SAMD5: variants seen among roughly 807,000 people sequenced by gnomAD.
The protein encoded by SAMD5 is sterile alpha motif domain-containing protein 5.
Under a neutral mutation model 11.3 loss-of-function variants are expected in SAMD5, and 13 were observed. The ratio of observed to expected loss-of-function variants is 1.15; its 90% CI spans 0.75 to 1.83. SAMD5 has a LOEUF of 1.83. Among genes scored for constraint, SAMD5 ranks in the 40% most tolerant of loss-of-function variants. SAMD5 has a pLI of 0.00. For missense variants in SAMD5, 255 were observed against 239.1 expected (o/e 1.07, Z -0.44); for synonymous variants, 129 against 111.3 (o/e 1.16, Z -1.00).
At chr6:147,762,186 A>T in the SAMD5 span, among the ~76,000 whole-genome samples, 1 of 152,116 alleles carries the variant, frequency 6.6e-6, no homozygotes, top group African/African-American at 2.4e-5. Flanking sequence ...TGTCAAATGA[A>T]TAACAGTGGC....
intron 1 of SAMD5, among the ~76,000 whole-genome samples, chr6:147,688,276 T>G (rs78624621): frequency 0.11 from 17,438 of 152,182 alleles, 1,097 homozygotes; most frequent in Middle Eastern, 0.16. Flanking sequence ...TCTCTTGTGT[T>G]CACTTTTTGT....
the SAMD5 span, among the ~76,000 whole-genome samples, chr6:147,865,171 A>G: frequency 2.0e-5 from 3 of 152,226 alleles, no homozygotes; most frequent in Non-Finnish European, 4.4e-5. Flanking sequence ...AATCAGTGGC[A>G]GGTATGTCAA....
intron 1 of SAMD5, among the ~76,000 whole-genome samples, chr6:147,576,388 G>A (rs1789217620): frequency 1.3e-5 from 2 of 152,112 alleles, no homozygotes; most frequent in African/African-American, 4.8e-5. Context: ...TGATCCACCT[G>A]CCTCGGCCTC....
At chr6:147,698,972 G>A (rs1042600086) in intron 1 of SAMD5, among the ~76,000 whole-genome samples, 1 of 152,162 alleles carries the variant, frequency 6.6e-6, no homozygotes, top group Admixed American at 6.5e-5. Flanking sequence ...AAGGAGGCTG[G>A]TGTGGCTGGC....
chr6:147,816,002 G>C, the SAMD5 span, among the ~76,000 whole-genome samples: 4 of 151,964 alleles, frequency 2.6e-5, no homozygotes, highest in Admixed American at 2.0e-4. Flanking sequence ...AAAGAAGGCT[G>C]GGCACGGTGG....
the SAMD5 span, among the ~76,000 whole-genome samples, chr6:147,795,837 T>C: frequency 2.6e-5 from 4 of 152,082 alleles, no homozygotes; most frequent in Non-Finnish European, 5.9e-5. Flanking sequence ...CATTTTTTCA[T>C]GTGTTTTTTG....
At chr6:147,626,129 T>G (rs1249106723) in intron 1 of SAMD5, among the ~76,000 whole-genome samples, 2 of 152,146 alleles carry the variant, frequency 1.3e-5, no homozygotes, top group East Asian at 3.9e-4. Context: ...GAGTGTGATA[T>G]GATGGGTGGA....
intron 1 of SAMD5, among the ~76,000 whole-genome samples, chr6:147,518,392 A>T (rs1788204559): frequency 6.6e-6 from 1 of 152,228 alleles, no homozygotes; most frequent in Non-Finnish European, 1.5e-5. Flanking sequence ...TCTGTTCTTC[A>T]GTAGTTATCT....
chr6:147,524,925 T>C (rs1212509491), intron 1 of SAMD5, among the ~76,000 whole-genome samples: 1 of 152,114 alleles, frequency 6.6e-6, no homozygotes, highest in Non-Finnish European at 1.5e-5. Context: ...TCCTGTTTTA[T>C]ACACAGGGAA....
chr6:147,721,133 A>G (rs1791546234), intron 1 of SAMD5, among the ~76,000 whole-genome samples: 1 of 144,022 alleles, frequency 6.9e-6, no homozygotes, highest in South Asian at 2.3e-4. Context: ...AGTCTTTGCT[A>G]TTGTGAATAA....
intron 1 of SAMD5, among the ~76,000 whole-genome samples, chr6:147,519,818 T>C (rs1212960269): frequency 3.9e-5 from 6 of 152,246 alleles, no homozygotes; most frequent in Non-Finnish European, 5.9e-5. Flanking sequence ...AAACTTAACA[T>C]GCAGCAATTA....
At chr6:147,770,714 TA>T in the SAMD5 span, among the ~76,000 whole-genome samples, 1 of 152,236 alleles carries the variant, frequency 6.6e-6, no homozygotes, top group Admixed American at 6.5e-5. Flanking sequence ...ATTTGCTTTT[TA>T]TTTTTTTATA....
chr6:147,873,247 C>T, the SAMD5 span, among the ~76,000 whole-genome samples: 402 of 151,926 alleles, frequency 2.6e-3, 1 homozygote, highest in African/African-American at 9.4e-3. Context: ...CGTGGTGGTG[C>T]ACGCCTGTAG....
At chr6:147,607,260 A>C (rs1789717672) in intron 1 of SAMD5, among the ~76,000 whole-genome samples, 1 of 152,208 alleles carries the variant, frequency 6.6e-6, no homozygotes, top group Non-Finnish European at 1.5e-5. Context: ...CATACTACCC[A>C]ATACAATCTA....
the SAMD5 span, among the ~76,000 whole-genome samples, chr6:147,920,743 A>T: frequency 3.5e-3 from 532 of 152,298 alleles, 2 homozygotes; most frequent in African/African-American, 0.012. Flanking sequence ...TCAGAAGCCT[A>T]GTTAGCTTCA....
the SAMD5 span, among the ~76,000 whole-genome samples, chr6:147,934,938 C>T: frequency 6.4e-3 from 967 of 152,202 alleles, 8 homozygotes; most frequent in Admixed American, 0.011. Flanking sequence ...TTGAACTTCC[C>T]TCCTTGTGAG....
chr6:147,819,738 G>A, the SAMD5 span, among the ~76,000 whole-genome samples: 1 of 152,200 alleles, frequency 6.6e-6, no homozygotes, highest in Non-Finnish European at 1.5e-5. Context: ...CCCCAGATCT[G>A]TACCTGTTAG....
chr6:147,799,888 C>T, the SAMD5 span, among the ~76,000 whole-genome samples: 2 of 152,146 alleles, frequency 1.3e-5, no homozygotes, highest in South Asian at 4.1e-4. Context: ...GCATTCTTCA[C>T]GTAGTTCTGG....
chr6:147,730,013 A>G (rs1583156832), intron 1 of SAMD5: 1 of 398,998 alleles, frequency 2.5e-6, no homozygotes, highest in Non-Finnish European at 4.8e-6. Context: ...TGAACCCGGG[A>G]GGTGGATGTT....
Sources: gnomAD v4.1 joint callset for allele counts (sites outside exome capture counted in the v4.1 genomes callset) on GRCh38, gnomAD v4.1.1 for gene constraint, MANE v1.5 for transcripts, NCBI Gene and HGNC (gene_info 2026-07-23, HGNC 2026-07-21) for gene names.